DDAH1: variants seen among roughly 807,000 people sequenced by gnomAD.
DDAH1 encodes the protein N(G),N(G)-dimethylarginine dimethylaminohydrolase 1.
In DDAH1, 19 loss-of-function variants were observed where a neutral mutation model predicts 28.8. That is an observed-to-expected ratio of 0.66 (90% CI 0.46 to 0.97). The LOEUF (loss-of-function observed/expected upper bound fraction) is 0.97. Ranked by LOEUF, DDAH1 falls within the 50% of genes least tolerant of loss-of-function variation. The probability of loss-of-function intolerance (pLI) is 0.00; values close to 1 mark genes in which losing one functional copy is unlikely to be tolerated. For synonymous variants in DDAH1, 153 were observed against 154.4 expected (o/e 0.99, Z 0.07); for missense variants, 326 against 375.9 (o/e 0.87, Z 1.10).
intron 1 of DDAH1, among the ~76,000 whole-genome samples, chr1:85,426,003 C>T (rs549464255): frequency 6.6e-6 from 1 of 152,204 alleles, no homozygotes; most frequent in South Asian, 2.1e-4. Flanking sequence ...CCTGGTGGAC[C>T]TCACATTACG....
chr1:85,539,302 A>G (rs1459982594), intron 1 of DDAH1, among the ~76,000 whole-genome samples: 1 of 152,048 alleles, frequency 6.6e-6, no homozygotes, highest in African/African-American at 2.4e-5. Context: ...TCCCGCCACC[A>G]TACTCAGCTA....
chr1:85,459,497 A>C (rs901125364), intron 1 of DDAH1, among the ~76,000 whole-genome samples: 9 of 152,186 alleles, frequency 5.9e-5, no homozygotes, highest in Non-Finnish European at 1.3e-4. Flanking sequence ...CATGTAGAAG[A>C]GTCAAAACAA....
intron 1 of DDAH1, among the ~76,000 whole-genome samples, chr1:85,554,276 G>GTTTTTTTTTTTTT (rs368410411): frequency 2.7e-5 from 3 of 110,724 alleles, no homozygotes; most frequent in Admixed American, 9.9e-5. Context: ...AATTGTAAGA[G>GTTTTTTTTTTTTT]TTTTTTTTTT....
chr1:85,524,598 T>C (rs1241663620), intron 1 of DDAH1, among the ~76,000 whole-genome samples: 1 of 152,076 alleles, frequency 6.6e-6, no homozygotes, highest in Admixed American at 6.6e-5. Context: ...CAACTTCCCA[T>C]TACATCATCA....
At chr1:85,372,756 C>T (rs1002671718) in intron 1 of DDAH1, among the ~76,000 whole-genome samples, 1 of 152,116 alleles carries the variant, frequency 6.6e-6, no homozygotes, top group Admixed American at 6.6e-5. Context: ...TCTAGATTCT[C>T]TTCCTATGAG....
rs137868930 is a variant in DDAH1, at chr1:85,505,823, T to G, written c.-122-9542A>C. The stretch of plus-strand genomic sequence containing the variant: ...AATGATCTCAAAAGAGAAACTTACT[T>G]GGAATATTATAATCATAGAAAATTT... On this transcript the variant is annotated intron_variant, in intron 1 of 6. Transcript: ENST00000426972. Among the ~76,000 whole-genome samples, 550 of 152,326 alleles carry G rather than the reference T, an allele frequency of 3.6e-3. 1 individual carries two copies. Among genetic ancestry groups the G allele is most frequent in the African/African-American group, 0.013 (527 of 41,574 alleles).
intron 1 of DDAH1, chr1:85,447,884 G>A (rs1404415763): frequency 4.6e-5 from 7 of 152,350 alleles, no homozygotes; most frequent in Admixed American, 3.3e-4. Flanking sequence ...AAGAGGAGCC[G>A]GCTGCATCCC....
At chr1:85,545,633 C>G (rs1373619852) in intron 1 of DDAH1, among the ~76,000 whole-genome samples, 1 of 152,112 alleles carries the variant, frequency 6.6e-6, no homozygotes, top group Non-Finnish European at 1.5e-5. Flanking sequence ...AAAATGTTCC[C>G]TTTCTTAATT....
chr1:85,336,235 A>C (rs560535459), intron 4 of DDAH1, among the ~76,000 whole-genome samples: 1 of 152,190 alleles, frequency 6.6e-6, no homozygotes, highest in Admixed American at 6.5e-5. Context: ...ATTCTTCAGG[A>C]TAGATATTAG....
At chr1:85,430,232 G>A (rs1376435044) in intron 1 of DDAH1, among the ~76,000 whole-genome samples, 1 of 151,988 alleles carries the variant, frequency 6.6e-6, no homozygotes, top group Admixed American at 6.6e-5. Flanking sequence ...TATTTCTGAG[G>A]GCTCTGTTCT....
chr1:85,344,510 G>C (rs978007613), intron 4 of DDAH1, among the ~76,000 whole-genome samples: 31 of 152,068 alleles, frequency 2.0e-4, no homozygotes, highest in Non-Finnish European at 1.6e-4. Flanking sequence ...ATAGTTTCAG[G>C]AAAGTTTTAG....
At chr1:85,444,937 G>A (rs1226948788) in intron 1 of DDAH1, among the ~76,000 whole-genome samples, 1 of 151,952 alleles carries the variant, frequency 6.6e-6, no homozygotes, top group Non-Finnish European at 1.5e-5. Flanking sequence ...GCCATTGGTA[G>A]GCTGAGGAGC....
At chr1:85,565,537 C>T (rs112262525) in intron 1 of DDAH1, among the ~76,000 whole-genome samples, 54 of 151,700 alleles carry the variant, frequency 3.6e-4, no homozygotes, top group African/African-American at 8.0e-4. Flanking sequence ...ACTATTTTTG[C>T]GACTTCCTAT....
intron 1 of DDAH1, among the ~76,000 whole-genome samples, chr1:85,519,832 T>C (rs1657611074): frequency 6.6e-6 from 1 of 152,164 alleles, no homozygotes; most frequent in Admixed American, 6.5e-5. Context: ...TTAGTAAAAT[T>C]ATAGGAACAG....
At chr1:85,350,600 C>G in intron 3 of DDAH1, 66 bp from the exon 4 acceptor site, 2 of 1,542,410 alleles carry the variant, frequency 1.3e-6, no homozygotes, top group Non-Finnish European at 1.8e-6. Flanking sequence ...GATTAAAAAC[C>G]TCCCTGAAAT....
chr1:85,572,819 G>A (rs1659498925), intron 1 of DDAH1, among the ~76,000 whole-genome samples: 1 of 152,208 alleles, frequency 6.6e-6, no homozygotes, highest in Non-Finnish European at 1.5e-5. Context: ...CTGCCTGTAG[G>A]CAAAGTCCCA....
chr1:85,464,645 C>G lies in DDAH1; in HGVS notation c.303+98G>C. 2.0e-6 allele frequency: 3 copies of G among 1,485,466 alleles called. No individual in the cohort carries two copies. The allele number at this position is 1,485,466 out of a possible 1,614,324, so 92.0% of individuals were successfully genotyped here. On this transcript the variant is annotated intron_variant, in intron 1 of 5. Coordinates refer to ENST00000284031, the MANE Select transcript of DDAH1 (RefSeq NM_012137.4). The surrounding 1 kb of genome is among the most constrained non-coding windows in gnomAD (Gnocchi z 4.4). ...CGACGGGAAGTTGTGAACTACTAGC[C>G]CGAGGGCCAATGGCGCGACTCCCCA...
At chr1:85,500,790 C>T (rs571074382) in intron 1 of DDAH1, among the ~76,000 whole-genome samples, 6 of 151,880 alleles carry the variant, frequency 4.0e-5, no homozygotes, top group South Asian at 2.1e-4. Flanking sequence ...CAGCTGAGAT[C>T]GTTTATATTG....
intron 1 of DDAH1, among the ~76,000 whole-genome samples, chr1:85,414,184 A>C (rs887815282): frequency 1.2e-4 from 18 of 151,988 alleles, no homozygotes; most frequent in African/African-American, 4.4e-4. Context: ...ACAGATCCAC[A>C]CATATATAGG....
Sources: allele counts gnomAD v4.1 joint callset (sites outside exome capture counted in the v4.1 genomes callset), GRCh38; gene constraint gnomAD v4.1.1; non-coding constraint Gnocchi (gnomAD v3.1); transcripts MANE v1.5; gene names NCBI Gene and HGNC (gene_info 2026-07-23, HGNC 2026-07-21).